CRTC3: variants seen among roughly 807,000 people sequenced by gnomAD.
The protein encoded by CRTC3 is CREB regulated transcription coactivator 3.
Under a neutral mutation model 74.5 loss-of-function variants are expected in CRTC3, and 26 were observed. The observed-to-expected ratio is 0.35, with a 90% confidence interval of 0.26 to 0.48. The LOEUF is 0.48. CRTC3 is among the 20% of genes least tolerant of loss of function. The pLI is 0.99. For missense variants in CRTC3, 760 were observed against 787.3 expected, an observed-to-expected ratio of 0.97 and a Z score of 0.41; for synonymous variants, 377 against 325.8, an observed-to-expected ratio of 1.16 and a Z score of -1.69.
intron 2 of CRTC3, among the ~76,000 whole-genome samples, chr15:90,543,901 C>T (rs1337936639): frequency 6.6e-6 from 1 of 152,164 alleles, no homozygotes; most frequent in Non-Finnish European, 1.5e-5. Flanking sequence ...AAACCACCAT[C>T]TGTAGTTTTG....
Position 90,593,639 on chromosome 15 carries a change from T to A in CRTC3, c.235T>A (p.Ser79Thr). The A allele has an allele frequency of 1.2e-6, 2 of 1,604,816 alleles. No individual in the cohort carries two copies. Among genetic ancestry groups the A allele is most frequent in the Non-Finnish European group, 1.7e-6 (2 of 1,172,182 alleles). Residue 79 changes from serine to threonine, a missense_variant, in exon 3 of 15, where the codon TCA becomes ACA. Ser to Thr is a moderately conservative substitution (Grantham distance 58, BLOSUM62 1). Around this residue, in one of 2 missense-constraint regions of CRTC3, gnomAD observed 108 missense variants for 152.1 expected, o/e 0.71. Transcript: ENST00000268184. Reference sequence around the variant, plus strand: ...TCTTCTTCCCTTCTCTCTGCAGCCGTCATTTCACCAAGCTGATAATGTTCG... The same window carrying A: ...TCTTCTTCCCTTCTCTCTGCAGCCGACATTTCACCAAGCTGATAATGTTCG... ...LRSSASEFQP[S>T]FHQADNVRGT...
chr15:90,642,705 A>G lies in CRTC3; in HGVS notation c.*565A>G. The G allele has an allele frequency of 4.3e-6, 1 of 232,114 alleles. No individual in the cohort carries two copies. Among genetic ancestry groups the G allele is most frequent in the Non-Finnish European group, 8.5e-6 (1 of 117,248 alleles). The allele number at this position is 232,114 out of a possible 1,614,324, so 14.4% of individuals were successfully genotyped here. A position where few individuals can be genotyped will look rare whatever the true frequency, so the allele number is the denominator to read the frequency against. ...ATTACGACATGAAGTTTTTACCACA[A>G]GCCCGAGGGCAGGCTTGAGTTAGGC... On this transcript the variant is annotated 3_prime_UTR_variant, in exon 15 of 15. Transcript: ENST00000268184.
At position 90,643,768 on chromosome 15, in the gene CRTC3, G is replaced by A. The variant is rs1483729122; in HGVS notation, c.*1628G>A. The A allele has an allele frequency of 1.3e-5, 3 of 232,868 alleles. No homozygotes were observed. Among genetic ancestry groups the A allele is most frequent in the African/African-American group, 4.4e-5 (2 of 45,242 alleles). 14.4% of individuals were successfully genotyped at this position (232,868 alleles called of 1,614,324 possible). On this transcript the variant is annotated 3_prime_UTR_variant, in exon 15 of 15. Transcript: ENST00000268184. ...CTGTGAGAGGACAGGGTGGAGAGGA[G>A]GAGAACCCTGAAGGAGAGACGGAAG...
intron 1 of CRTC3, among the ~76,000 whole-genome samples, chr15:90,536,280 A>G (rs1966717575): frequency 6.6e-6 from 1 of 152,100 alleles, no homozygotes; most frequent in Non-Finnish European, 1.5e-5. Context: ...TCATGCCTGT[A>G]ATCCCAGCAC....
chr15:90,633,558 T>G (rs112487434), intron 11 of CRTC3, among the ~76,000 whole-genome samples: 3,339 of 152,290 alleles, frequency 0.022, 120 homozygotes, highest in African/African-American at 0.075. Flanking sequence ...GATCTTTTTG[T>G]CCCCAGTGTT....
chr15:90,628,834 G>C (rs956795402), intron 10 of CRTC3, among the ~76,000 whole-genome samples: 1 of 152,086 alleles, frequency 6.6e-6, no homozygotes, highest in Non-Finnish European at 1.5e-5. Flanking sequence ...GGTAGCAGGG[G>C]ATGCAGGCAG....
chr15:90,582,718 T>C (rs1967571818), intron 2 of CRTC3, among the ~76,000 whole-genome samples: 1 of 152,190 alleles, frequency 6.6e-6, no homozygotes, highest in African/African-American at 2.4e-5. Flanking sequence ...GTAAATCCCC[T>C]GGGGGTACAC....
At chr15:90,612,076 TCCTCCGCCTCCTCCTCCG>T (rs1968375116) in intron 6 of CRTC3, among the ~76,000 whole-genome samples, 1 of 86,812 alleles carries the variant, frequency 1.2e-5, no homozygotes, top group Admixed American at 1.5e-4. Flanking sequence ...CTCCTCCTCC[TCCTCCGCCTCCTCCTCCG>T]CCTCTGCCTC....
chr15:90,627,984 G>A (rs1050098109), intron 10 of CRTC3, among the ~76,000 whole-genome samples: 4 of 150,070 alleles, frequency 2.7e-5, no homozygotes, highest in Non-Finnish European at 5.9e-5. Context: ...TTGGGAGGCC[G>A]AGGCGAGTGG....
intron 6 of CRTC3, among the ~76,000 whole-genome samples, chr15:90,612,279 T>G (rs948298159): frequency 6.6e-6 from 1 of 151,628 alleles, no homozygotes; most frequent in Non-Finnish European, 1.5e-5. Flanking sequence ...CGTCGCAGAG[T>G]TGCTGTGGGG....
chr15:90,605,107 A>G (rs1157789184), intron 5 of CRTC3, among the ~76,000 whole-genome samples: 2 of 151,948 alleles, frequency 1.3e-5, no homozygotes, highest in South Asian at 2.1e-4. Context: ...TGAAAAAAAA[A>G]AAGGCGTGGT....
At chr15:90,581,921 G>A (rs563285143) in intron 2 of CRTC3, among the ~76,000 whole-genome samples, 1 of 152,270 alleles carries the variant, frequency 6.6e-6, no homozygotes, top group East Asian at 1.9e-4. Flanking sequence ...GAAGAGGTTG[G>A]TGTGGGATGA....
At chr15:90,553,548 A>G (rs562090960) in intron 2 of CRTC3, among the ~76,000 whole-genome samples, 2 of 152,352 alleles carry the variant, frequency 1.3e-5, no homozygotes, top group African/African-American at 4.8e-5. Context: ...ATCTCTAATC[A>G]TCTGGGATAA....
intron 11 of CRTC3, among the ~76,000 whole-genome samples, chr15:90,633,413 T>C (rs78207489): frequency 0.054 from 8,151 of 152,286 alleles, 294 homozygotes; most frequent in Middle Eastern, 0.11. Flanking sequence ...TGGCTGAATA[T>C]AGAATTCTAA....
intron 8 of CRTC3, 79 bp from the exon 9 acceptor site, chr15:90,619,662 G>C: frequency 1.7e-6 from 2 of 1,175,018 alleles, no homozygotes; most frequent in Non-Finnish European, 2.6e-6. Flanking sequence ...AGAGCCTCAA[G>C]GTCCTTACGA....
chr15:90,544,210 T>C (rs1055746857), intron 2 of CRTC3, among the ~76,000 whole-genome samples: 1 of 152,244 alleles, frequency 6.6e-6, no homozygotes, highest in Admixed American at 6.5e-5. Context: ...AACTTGTAGC[T>C]GCATCACTTA....
intron 1 of CRTC3, among the ~76,000 whole-genome samples, chr15:90,531,335 G>C (rs182954908): frequency 3.5e-4 from 53 of 152,256 alleles, no homozygotes; most frequent in Middle Eastern, 3.4e-3. Flanking sequence ...ACCTGCTGGA[G>C]CTGGGTGATG....
At chr15:90,577,463 G>A (rs1202525044) in intron 2 of CRTC3, among the ~76,000 whole-genome samples, 1 of 152,136 alleles carries the variant, frequency 6.6e-6, no homozygotes, top group Non-Finnish European at 1.5e-5. Context: ...TTTTGAGAAG[G>A]AGCCTCTAAG....
chr15:90,540,938 G>A (rs1966792282), intron 2 of CRTC3, among the ~76,000 whole-genome samples: 1 of 151,936 alleles, frequency 6.6e-6, no homozygotes, highest in South Asian at 2.1e-4. Flanking sequence ...CTTTAATTTG[G>A]ACCAGCCGCA....
Sources: gnomAD v4.1 joint callset for allele counts (sites outside exome capture counted in the v4.1 genomes callset) on GRCh38, gnomAD v4.1.1 for gene constraint, gnomAD v4.1.1 regional missense constraint, MANE v1.5 for transcripts, NCBI Gene and HGNC (gene_info 2026-07-23, HGNC 2026-07-21) for gene names.